Variants in ADGRE3 observed in about 807,000 individuals in gnomAD.
ADGRE3 encodes adhesion G protein-coupled receptor E3.
A neutral mutation model predicts 80.1 loss-of-function variants in ADGRE3; 88 were observed. The observed-to-expected ratio is 1.10, with a 90% CI of 0.93 to 1.31. The LOEUF is 1.31. Among genes scored for constraint, ADGRE3 ranks in the 40% most tolerant of loss-of-function variants. ADGRE3 has a pLI of 0.00. For synonymous variants in ADGRE3, 281 were observed against 294.8 expected, an observed-to-expected ratio of 0.95 and a Z score of 0.48; for missense variants, 715 against 776.5, an observed-to-expected ratio of 0.92 and a Z score of 0.94.
chr19:14,656,452 C>T (rs1186963532), intron 5 of ADGRE3, among the ~76,000 whole-genome samples: 3 of 151,748 alleles, frequency 2.0e-5, no homozygotes, highest in Admixed American at 2.0e-4. Context: ...AAATCCTGCC[C>T]ACCGACTAGA....
In ADGRE3 at chr19:14,647,356, G is replaced by A. The variant is rs34226397; in HGVS notation, c.707C>T (p.Ala236Val). Residue 236 changes from alanine (A) to valine (V), a missense_variant, in exon 8 of 16, where the codon GCC (alanine) becomes GTC (valine). By Grantham distance (64) the Ala-to-Val change is moderately conservative. Coordinates refer to ENST00000253673, the MANE Select transcript of ADGRE3 (RefSeq NM_032571.5). ...IIQGDTQGPS[A>V]IAFISYSSLG... Reference sequence around the variant, plus strand: ...AGAAGAATATGAGATAAAGGCAATGGCACTGGGACCTGAGGAAACAGAAAG... The same window carrying A: ...AGAAGAATATGAGATAAAGGCAATGACACTGGGACCTGAGGAAACAGAAAG... 480,205 of 1,597,078 alleles carry A rather than the reference G, an allele frequency of 0.3. 74,039 individuals carry two copies. The highest frequency in any genetic ancestry group is 0.43 in the Middle Eastern group (2,566 of 6,026).
At chr19:14,636,281 A>G (rs535001212) in intron 11 of ADGRE3, among the ~76,000 whole-genome samples, 1 of 136,244 alleles carries the variant, frequency 7.3e-6, no homozygotes, top group Non-Finnish European at 1.5e-5. Context: ...GTGCGTTGGT[A>G]CAATCACAGC....
At chr19:14,633,723 TAAAATA>T (rs1568479565) in intron 11 of ADGRE3, among the ~76,000 whole-genome samples, 1 of 128,034 alleles carries the variant, frequency 7.8e-6, no homozygotes, top group African/African-American at 3.1e-5. Context: ...TAAAATAAAA[TAAAATA>T]AAATAAAATA....
chr19:14,666,535 C>T (rs1972112925), intron 2 of ADGRE3, among the ~76,000 whole-genome samples: 1 of 152,020 alleles, frequency 6.6e-6, no homozygotes, highest in Non-Finnish European at 1.5e-5. Flanking sequence ...CACCATCACA[C>T]CTGGATAATT....
At chr19:14,634,815 C>T (rs542319296) in intron 11 of ADGRE3, among the ~76,000 whole-genome samples, 8 of 151,646 alleles carry the variant, frequency 5.3e-5, no homozygotes, top group Non-Finnish European at 1.2e-4. Context: ...ACCCATGGGT[C>T]GGGGGTTCAG....
At chr19:14,635,252 G>A (rs992611172) in intron 11 of ADGRE3, among the ~76,000 whole-genome samples, 12 of 151,724 alleles carry the variant, frequency 7.9e-5, no homozygotes, top group African/African-American at 1.2e-4. Flanking sequence ...ATGCACCACC[G>A]TGTCCAGCTA....
the ADGRE3 span, among the ~76,000 whole-genome samples, chr19:14,607,816 T>A: frequency 6.6e-6 from 1 of 151,914 alleles, no homozygotes; most frequent in African/African-American, 2.4e-5. Context: ...CCTCAGGTGA[T>A]CTGCCCACCT....
chr19:14,657,268 C>G (rs1027887030), intron 5 of ADGRE3, among the ~76,000 whole-genome samples: 2 of 152,048 alleles, frequency 1.3e-5, no homozygotes, highest in Non-Finnish European at 2.9e-5. Flanking sequence ...GTCTTATTCC[C>G]TTCCTCAAAA....
chr19:14,644,024 T>G, intron 9 of ADGRE3, 84 bp downstream of exon 9: 11 of 971,298 alleles, frequency 1.1e-5, no homozygotes, highest in Non-Finnish European at 1.4e-5. Flanking sequence ...TTTCAGTTTT[T>G]TTTTTTTTTT....
intron 2 of ADGRE3, among the ~76,000 whole-genome samples, chr19:14,664,121 G>A (rs1467125987): frequency 2.6e-5 from 4 of 152,114 alleles, no homozygotes; most frequent in Admixed American, 2.0e-4. Flanking sequence ...TTTTCACATG[G>A]TGAAACCCCG....
At chr19:14,602,350 C>A in the ADGRE3 span, among the ~76,000 whole-genome samples, 29 of 152,158 alleles carry the variant, frequency 1.9e-4, no homozygotes, top group African/African-American at 7.0e-4. Flanking sequence ...AGTGCAGTGG[C>A]GCAGCCTCAG....
downstream of ADGRE3, chr19:14,619,100 TA>T: frequency 3.2e-6 from 1 of 307,826 alleles, no homozygotes; most frequent in Non-Finnish European, 6.1e-6. Flanking sequence ...AACTCTGTCT[TA>T]AAAAAAGAGC....
At chr19:14,672,334 A>C (rs1477186462) in intron 1 of ADGRE3, among the ~76,000 whole-genome samples, 42 of 152,218 alleles carry the variant, frequency 2.8e-4, no homozygotes, top group Admixed American at 2.7e-3. Context: ...CCACTGACTT[A>C]TTTTGTAGAT....
intron 9 of ADGRE3, among the ~76,000 whole-genome samples, chr19:14,643,871 T>G (rs1971323744): frequency 1.3e-5 from 2 of 151,992 alleles, no homozygotes; most frequent in South Asian, 4.1e-4. Context: ...CCACTATGTT[T>G]GGCGAATTTT....
chr19:14,625,960 T>C (rs1970727157), intron 14 of ADGRE3, among the ~76,000 whole-genome samples: 1 of 152,136 alleles, frequency 6.6e-6, no homozygotes, highest in Admixed American at 6.6e-5. Context: ...TAGTGTTTAA[T>C]GTGGATGGAG....
At chr19:14,663,856 T>C (rs1972021302) in intron 2 of ADGRE3, among the ~76,000 whole-genome samples, 1 of 151,890 alleles carries the variant, frequency 6.6e-6, no homozygotes, top group African/African-American at 2.4e-5. Flanking sequence ...ATATATATAT[T>C]TGTTACATAG....
intron 7 of ADGRE3, among the ~76,000 whole-genome samples, chr19:14,650,680 TCTCC>T: frequency 2.3e-5 from 2 of 86,470 alleles, no homozygotes; most frequent in Non-Finnish European, 5.0e-5. Context: ...TCTCTCTCTC[TCTCC>T]CCTCTTCCCA....
chr19:14,654,932 C>T lies in ADGRE3; in HGVS notation c.577+50G>A, dbSNP rs1443746105. 2.0e-5 allele frequency: 29 copies of T among 1,478,240 alleles called. No homozygotes were observed. In the South Asian group the frequency reaches 2.0e-4, roughly 10 times the overall value. The allele number at this position is 1,478,240 out of a possible 1,614,324, so 91.6% of individuals were successfully genotyped here. A position where few individuals can be genotyped will look rare whatever the true frequency, so the allele number is the denominator to read the frequency against. ...TTTTTCTAATTGCCTAACCCAGATC[C>T]CAGCTGCTAACCAGTCCCCAGGGTG... On this transcript the variant is annotated intron_variant, in intron 6 of 15. Coordinates refer to ENST00000253673, the MANE Select transcript of ADGRE3 (RefSeq NM_032571.5).
At chr19:14,644,366 G>A in intron 8 of ADGRE3, 91 bp from the exon 9 acceptor site, 1 of 988,598 alleles carries the variant, frequency 1.0e-6, no homozygotes, top group Non-Finnish European at 1.4e-6. Flanking sequence ...TGTTACTCAG[G>A]CTGGAGTGCA....
Sources: gnomAD v4.1 joint callset for allele counts (sites outside exome capture counted in the v4.1 genomes callset) on GRCh38, gnomAD v4.1.1 for gene constraint, MANE v1.5 for transcripts, NCBI Gene and HGNC (gene_info 2026-07-23, HGNC 2026-07-21) for gene names.